The following SPIRE1 variants were observed in gnomAD, a reference collection of about 807,000 sequenced individuals.
SPIRE1 encodes spire type actin nucleation factor 1.
SPIRE1 carries 40 observed loss-of-function variants against 94.1 expected under a neutral mutation model. The ratio of observed to expected loss-of-function variants is 0.43; its 90% CI spans 0.33 to 0.55. The LOEUF is 0.55. Ranked by LOEUF, SPIRE1 falls within the 20% of genes least tolerant of loss-of-function variation. SPIRE1 has a pLI of 0.06. For synonymous variants in SPIRE1, 376 were observed against 371.7 expected (o/e 1.01, Z -0.13); for missense variants, 838 against 975.2 (o/e 0.86, Z 1.87).
intron 2 of SPIRE1, among the ~76,000 whole-genome samples, chr18:12,608,789 T>C (rs1463782217): frequency 6.6e-6 from 1 of 152,192 alleles, no homozygotes; most frequent in Non-Finnish European, 1.5e-5. Flanking sequence ...TCTCTAATCC[T>C]TACAACAACA....
chr18:12,521,425 C>T (rs1210869677), intron 4 of SPIRE1, among the ~76,000 whole-genome samples: 3 of 152,024 alleles, frequency 2.0e-5, no homozygotes, highest in Admixed American at 2.0e-4. Context: ...CCTCTGCCTC[C>T]CAGGTTCAAG....
intron 10 of SPIRE1, among the ~76,000 whole-genome samples, chr18:12,472,028 GC>G (rs2032381964): frequency 6.6e-6 from 1 of 152,030 alleles, no homozygotes; most frequent in Non-Finnish European, 1.5e-5. Context: ...CAAGTGATCT[GC>G]CCACCTTGGC....
intron 4 of SPIRE1, among the ~76,000 whole-genome samples, chr18:12,526,436 C>T (rs1482595477): frequency 6.6e-6 from 1 of 152,106 alleles, no homozygotes; most frequent in East Asian, 1.9e-4. Flanking sequence ...TGGCCACGGC[C>T]CTTCTAACAC....
chr18:12,496,662 G>A (rs1419744927), intron 6 of SPIRE1, among the ~76,000 whole-genome samples: 1 of 152,200 alleles, frequency 6.6e-6, no homozygotes, highest in Non-Finnish European at 1.5e-5. Context: ...AAGGTCAGGA[G>A]ATCGAGACCA....
chr18:12,631,850 G>A (rs1361975531), intron 2 of SPIRE1, among the ~76,000 whole-genome samples: 1 of 152,140 alleles, frequency 6.6e-6, no homozygotes, highest in Non-Finnish European at 1.5e-5. Flanking sequence ...GGGTGACAGA[G>A]TGAGACTCTG....
At chr18:12,657,388 T>TC (rs1000714124) in intron 1 of SPIRE1, 142 bp downstream of exon 1, 2 of 646,534 alleles carry the variant, frequency 3.1e-6, no homozygotes, top group African/African-American at 3.8e-5. Context: ...CCCCTGCGGG[T>TC]CCCCGCCGGA....
At chr18:12,607,995 A>T (rs2037032909) in intron 2 of SPIRE1, among the ~76,000 whole-genome samples, 1 of 152,058 alleles carries the variant, frequency 6.6e-6, no homozygotes, top group Admixed American at 6.5e-5. Context: ...TCTCTACTAA[A>T]AAAATACAAA....
intron 5 of SPIRE1, among the ~76,000 whole-genome samples, chr18:12,512,202 T>C (rs1191570392): frequency 6.6e-6 from 1 of 152,060 alleles, no homozygotes; most frequent in Non-Finnish European, 1.5e-5. Context: ...CCGTCTCTAC[T>C]AAAAATACAA....
intron 6 of SPIRE1, among the ~76,000 whole-genome samples, chr18:12,496,993 A>G (rs1246848168): frequency 1.9e-4 from 29 of 152,136 alleles, no homozygotes; most frequent in African/African-American, 7.0e-4. Flanking sequence ...GCTTGAACCT[A>G]GGAGGAGGAG....
At chr18:12,501,663 T>C (rs1016667919) in intron 6 of SPIRE1, among the ~76,000 whole-genome samples, 11 of 152,218 alleles carry the variant, frequency 7.2e-5, no homozygotes, top group Non-Finnish European at 1.2e-4. Flanking sequence ...ATTACAGGCA[T>C]GAGCCATGGC....
At chr18:12,522,263 G>C (rs1189449876) in intron 4 of SPIRE1, among the ~76,000 whole-genome samples, 2 of 152,154 alleles carry the variant, frequency 1.3e-5, no homozygotes, top group African/African-American at 4.8e-5. Context: ...TAGTGGTCTG[G>C]ATAGAAGATC....
rs73949234 is a variant in SPIRE1, at chr18:12,459,411, G to C, written c.1638+3940C>G. Among the ~76,000 whole-genome samples the C allele has an allele frequency of 6.6e-3, 1,009 of 152,278 alleles. 10 individuals are homozygous for C. Among genetic ancestry groups the C allele is most frequent in the African/African-American group, 0.022 (922 of 41,552 alleles). On this transcript the variant is annotated intron_variant, in intron 12 of 16. Transcript: ENST00000409402. ...AGTGAGCAAATACTCTTCTGATGGT[G>C]GGGGGAGGCCCTAGGAGGAATGCAC...
At chr18:12,491,516 T>C (rs898760365) in intron 8 of SPIRE1, among the ~76,000 whole-genome samples, 1 of 152,108 alleles carries the variant, frequency 6.6e-6, no homozygotes, top group African/African-American at 2.4e-5. Flanking sequence ...TCTTTCTTTC[T>C]TTCCATGGAA....
chr18:12,549,539 C>G (rs1316267510), intron 2 of SPIRE1, among the ~76,000 whole-genome samples: 1 of 145,494 alleles, frequency 6.9e-6, no homozygotes, highest in Admixed American at 7.0e-5. Context: ...GCAATCTCCA[C>G]CTCCCGGGTT....
At chr18:12,525,189 A>G (rs2034473307) in intron 4 of SPIRE1, among the ~76,000 whole-genome samples, 1 of 146,166 alleles carries the variant, frequency 6.8e-6, no homozygotes, top group Non-Finnish European at 1.5e-5. Context: ...AGGCAGGAGA[A>G]TGGCGTGAAC....
intron 7 of SPIRE1, among the ~76,000 whole-genome samples, chr18:12,493,709 A>C (rs1003840876): frequency 2.0e-5 from 3 of 152,074 alleles, no homozygotes; most frequent in Non-Finnish European, 2.9e-5. Flanking sequence ...ACCTGGCTAC[A>C]CTTTGAATGT....
At position 12,587,395 on chromosome 18, in the gene SPIRE1, A is replaced by G. The variant is rs2036415551; in HGVS notation, c.373-40491T>C. Among the ~76,000 whole-genome samples the G allele has an allele frequency of 2.0e-5, 3 of 151,166 alleles. 1 individual carries two copies. In the Admixed American group the frequency reaches 2.1e-4, roughly 10 times the overall value. On this transcript the variant is annotated intron_variant, in intron 2 of 16. Transcript: ENST00000409402. ...ATAAGACAATGCCAGAGTGATTCTC[A>G]TATAATTTCGAGCTCTAAATATATT...
At chr18:12,648,264 T>C (rs562643059) in intron 1 of SPIRE1, among the ~76,000 whole-genome samples, 23 of 151,974 alleles carry the variant, frequency 1.5e-4, no homozygotes, top group Non-Finnish European at 2.6e-4. Context: ...AAGGTAAAAA[T>C]AGTAACTTTT....
rs1343809463 is a variant in SPIRE1 at position 12,447,635 on chromosome 18, T to C, written c.*2003A>G. The C allele has an allele frequency of 6.6e-6, 1 of 152,202 alleles. No individual in the cohort carries two copies. The highest frequency in any genetic ancestry group is 2.4e-5 in the African/African-American group (1 of 41,458). The allele number at this position is 152,202 out of a possible 1,614,324, so 9.4% of individuals were successfully genotyped here. A position where few individuals can be genotyped will look rare whatever the true frequency, so the allele number is the denominator to read the frequency against. The stretch of plus-strand genomic sequence containing the variant: ...GTTGAAGAATGTATGTTCTGTGCTG[T>C]GGTAAGAGGTGATCGTAATGCCCAA... On this transcript the variant is annotated 3_prime_UTR_variant, in exon 17 of 17. Transcript: ENST00000409402.
Sources: allele counts gnomAD v4.1 joint callset (sites outside exome capture counted in the v4.1 genomes callset), GRCh38; gene constraint gnomAD v4.1.1; transcripts MANE v1.5; gene names NCBI Gene and HGNC (gene_info 2026-07-23, HGNC 2026-07-21).